SGCZ: variants seen among roughly 807,000 people sequenced by gnomAD.
SGCZ encodes the protein sarcoglycan zeta, also known as zeta-sarcoglycan.
SGCZ carries 40 observed loss-of-function variants against 41.3 expected under a neutral mutation model. The observed-to-expected ratio is 0.97, with a 90% CI of 0.75 to 1.26. SGCZ has a LOEUF of 1.26. Among genes scored for constraint, SGCZ ranks in the 50% most tolerant of loss-of-function variants. SGCZ has a pLI of 0.00. For synonymous variants in SGCZ, 206 were observed against 137.5 expected, an observed-to-expected ratio of 1.50 and a Z score of -3.49; for missense variants, 552 against 369.8, an observed-to-expected ratio of 1.49 and a Z score of -4.04.
intron 1 of SGCZ, among the ~76,000 whole-genome samples, chr8:14,884,476 G>A (rs1804715781): frequency 6.6e-6 from 1 of 151,846 alleles, no homozygotes; most frequent in Non-Finnish European, 1.5e-5. Flanking sequence ...GCCCTTCTTG[G>A]TGGGTAGATG....
chr8:14,946,550 T>C (rs1357593708), intron 1 of SGCZ, among the ~76,000 whole-genome samples: 1 of 152,096 alleles, frequency 6.6e-6, no homozygotes, highest in African/African-American at 2.4e-5. Context: ...ATCATCTTTT[T>C]CTTTTGTACT....
At chr8:15,001,270 G>C (rs577700606) in intron 1 of SGCZ, among the ~76,000 whole-genome samples, 1 of 152,332 alleles carries the variant, frequency 6.6e-6, no homozygotes, top group East Asian at 1.9e-4. Context: ...ACTTCAGGGA[G>C]TTTCAAACAC....
intron 2 of SGCZ, among the ~76,000 whole-genome samples, chr8:14,450,206 G>A (rs75622928): frequency 3.9e-5 from 6 of 152,294 alleles, no homozygotes; most frequent in South Asian, 2.1e-4. Flanking sequence ...AACCCTCAAC[G>A]AGGGTCTCTA....
intron 3 of SGCZ, among the ~76,000 whole-genome samples, chr8:14,265,889 T>A (rs1799850743): frequency 6.6e-6 from 1 of 150,554 alleles, no homozygotes; most frequent in Admixed American, 6.6e-5. Flanking sequence ...GCAGAAGAAA[T>A]AACTAGTGAA....
At chr8:14,401,257 C>CAT (rs772486677) in intron 2 of SGCZ, among the ~76,000 whole-genome samples, 3 of 151,564 alleles carry the variant, frequency 2.0e-5, no homozygotes, top group Non-Finnish European at 4.4e-5. Flanking sequence ...AATATACATA[C>CAT]ATATATATAG....
At chr8:14,373,380 C>T (rs913761262) in intron 2 of SGCZ, among the ~76,000 whole-genome samples, 4 of 152,082 alleles carry the variant, frequency 2.6e-5, no homozygotes, top group African/African-American at 9.7e-5. Flanking sequence ...TTCTAAAATT[C>T]AAAAGAGAGA....
chr8:14,684,272 A>G (rs1808537064), intron 1 of SGCZ, among the ~76,000 whole-genome samples: 2 of 152,302 alleles, frequency 1.3e-5, no homozygotes, highest in South Asian at 2.1e-4. Context: ...ATTTTTCTAT[A>G]AACAACAGCT....
intron 1 of SGCZ, among the ~76,000 whole-genome samples, chr8:15,186,693 T>C (rs955746882): frequency 1.3e-5 from 2 of 152,206 alleles, no homozygotes; most frequent in African/African-American, 4.8e-5. Flanking sequence ...AAGTATTTAT[T>C]GAGTGCATGA....
intron 1 of SGCZ, among the ~76,000 whole-genome samples, chr8:14,931,859 T>C (rs1236103222): frequency 6.6e-6 from 1 of 151,980 alleles, no homozygotes; most frequent in Non-Finnish European, 1.5e-5. Flanking sequence ...TATTTATTCA[T>C]AACTGTTTTA....
intron 1 of SGCZ, among the ~76,000 whole-genome samples, chr8:14,665,383 G>T (rs188224764): frequency 2.6e-5 from 4 of 152,100 alleles, no homozygotes; most frequent in African/African-American, 9.7e-5. Flanking sequence ...TGGTGTATAC[G>T]TGCCACATCG....
At chr8:14,526,607 C>G (rs1050832232) in intron 2 of SGCZ, among the ~76,000 whole-genome samples, 2 of 152,064 alleles carry the variant, frequency 1.3e-5, no homozygotes, top group Admixed American at 1.3e-4. Flanking sequence ...AAATACATAT[C>G]TATTTTTCAT....
chr8:14,276,463 G>C (rs1446190752), intron 3 of SGCZ, among the ~76,000 whole-genome samples: 1 of 152,108 alleles, frequency 6.6e-6, no homozygotes, highest in East Asian at 1.9e-4. Flanking sequence ...AAAGAAAAAT[G>C]TAAGTGGCTC....
intron 2 of SGCZ, among the ~76,000 whole-genome samples, chr8:14,330,560 A>G (rs950190911): frequency 6.6e-6 from 1 of 152,056 alleles, no homozygotes; most frequent in African/African-American, 2.4e-5. Flanking sequence ...AAGAATATTT[A>G]AATTTAAATT....
chr8:15,021,444 C>G (rs1235428418), intron 1 of SGCZ, among the ~76,000 whole-genome samples: 2 of 152,178 alleles, frequency 1.3e-5, no homozygotes, highest in East Asian at 3.9e-4. Context: ...GCATACAGAT[C>G]AGAATCTGTT....
intron 1 of SGCZ, among the ~76,000 whole-genome samples, chr8:14,735,108 C>G (rs1394864228): frequency 2.6e-5 from 4 of 152,082 alleles, no homozygotes; most frequent in Admixed American, 1.3e-4. Flanking sequence ...AAGACGGTAG[C>G]ACATAAAATT....
chr8:15,067,493 C>T (rs566435560), intron 1 of SGCZ, among the ~76,000 whole-genome samples: 1 of 152,278 alleles, frequency 6.6e-6, no homozygotes, highest in East Asian at 1.9e-4. Context: ...TGTATTAGGA[C>T]TGGGTGTCCC....
chr8:14,752,866 C>G (rs948628065), intron 1 of SGCZ, among the ~76,000 whole-genome samples: 2 of 152,130 alleles, frequency 1.3e-5, no homozygotes, highest in Non-Finnish European at 2.9e-5. Flanking sequence ...TAAAAACACA[C>G]AGAATCATCA....
intron 1 of SGCZ, among the ~76,000 whole-genome samples, chr8:15,155,154 G>A (rs1281012810): frequency 6.6e-6 from 1 of 152,088 alleles, no homozygotes; most frequent in Non-Finnish European, 1.5e-5. Context: ...AATCAGCTGA[G>A]TGTGGTGGTG....
intron 1 of SGCZ, among the ~76,000 whole-genome samples, chr8:14,774,873 G>C (rs13257044): frequency 0.42 from 64,223 of 151,922 alleles, 14,163 homozygotes; most frequent in East Asian, 0.51. Context: ...TACCTATTAA[G>C]TACTCATTTA....
Sources: allele counts gnomAD v4.1 joint callset (sites outside exome capture counted in the v4.1 genomes callset), GRCh38; gene constraint gnomAD v4.1.1; transcripts MANE v1.5; gene names NCBI Gene and HGNC (gene_info 2026-07-23, HGNC 2026-07-21).